Variants in MAN2A1 observed in about 807,000 individuals in gnomAD.
The protein encoded by MAN2A1 is mannosidase alpha class 2A member 1.
In MAN2A1, 76 loss-of-function variants were observed where a neutral mutation model predicts 142.6. That is an observed-to-expected ratio of 0.53 (90% confidence interval 0.44 to 0.65). MAN2A1 has a LOEUF of 0.65. MAN2A1 is among the 30% of genes least tolerant of loss of function. The probability of loss-of-function intolerance (pLI) is 0.00; values close to 1 mark genes in which losing one functional copy is unlikely to be tolerated. For synonymous variants in MAN2A1, 559 were observed against 473.2 expected (o/e 1.18, Z -2.35); for missense variants, 1,311 against 1,365.1 (o/e 0.96, Z 0.62).
rs1209291002 is a variant in MAN2A1, at chr5:109,690,564, G to A, written c.135+12G>A. 2 of 1,585,278 alleles carry A rather than the reference G, an allele frequency of 1.3e-6. No individual in the cohort carries two copies. Among genetic ancestry groups the A allele is most frequent in the Non-Finnish European group, 1.7e-6 (2 of 1,165,992 alleles). Reference sequence around the variant, plus strand: ...GCTCCTTCCCTCAGGTAAGCACCTGGGAAGGGGGCGCGGGGCTCCGAGGGG... The same window carrying A: ...GCTCCTTCCCTCAGGTAAGCACCTGAGAAGGGGGCGCGGGGCTCCGAGGGG... On this transcript the variant is annotated intron_variant, in intron 1 of 21. Transcript: ENST00000261483.
chr5:109,815,360 A>T (rs1035191560), intron 12 of MAN2A1, among the ~76,000 whole-genome samples: 1 of 152,196 alleles, frequency 6.6e-6, no homozygotes, highest in Non-Finnish European at 1.5e-5. Flanking sequence ...TGTGCGTAAA[A>T]TGGGATTTTA....
intron 13 of MAN2A1, 113 bp downstream of exon 13, chr5:109,817,551 G>T: frequency 9.9e-7 from 1 of 1,005,474 alleles, no homozygotes; most frequent in Non-Finnish European, 1.5e-6. Context: ...TATGTGAGGT[G>T]ATGAAAGTTG....
intron 12 of MAN2A1, among the ~76,000 whole-genome samples, chr5:109,814,225 A>G (rs182351957): frequency 2.3e-4 from 35 of 152,274 alleles, no homozygotes; most frequent in Middle Eastern, 3.4e-3. Context: ...TGTGGATCAA[A>G]TATTGTTAAT....
At chr5:109,752,446 C>A (rs577995136) in intron 4 of MAN2A1, among the ~76,000 whole-genome samples, 1 of 152,200 alleles carries the variant, frequency 6.6e-6, no homozygotes, top group Non-Finnish European at 1.5e-5. Context: ...GAGTGCCGGA[C>A]GTGCCAACGT....
intron 16 of MAN2A1, among the ~76,000 whole-genome samples, chr5:109,828,738 C>T (rs182371392): frequency 2.0e-5 from 3 of 152,230 alleles, no homozygotes; most frequent in Admixed American, 2.0e-4. Flanking sequence ...TGTTTTCCAC[C>T]AACATATTAT....
chr5:109,840,163 G>A (rs1755163959), intron 16 of MAN2A1: 1 of 196,402 alleles, frequency 5.1e-6, no homozygotes, highest in Non-Finnish European at 1.0e-5. Flanking sequence ...GCTGAATTAA[G>A]TCTCGTCTCA....
In MAN2A1 at chr5:109,732,157, C is replaced by T. The variant is rs545893740; in HGVS notation, c.707+2644C>T. ...ATGTGTTTTTTGGCTGCATAAATGT[C>T]TTCTTTTGAGAAGTGTCTGTTCATG... On this transcript the variant is annotated intron_variant, in intron 4 of 21. Transcript: ENST00000261483. 4.2e-4 allele frequency among the ~76,000 whole-genome samples: 64 copies of T among 150,632 alleles called. 1 individual carries two copies. Among genetic ancestry groups the T allele is most frequent in the Middle Eastern group, 6.8e-3 (2 of 292 alleles).
At chr5:109,690,718 A>T (rs1200716731) in intron 1 of MAN2A1, among the ~76,000 whole-genome samples, 166 bp downstream of exon 1, 2 of 151,986 alleles carry the variant, frequency 1.3e-5, no homozygotes, top group African/African-American at 4.8e-5. Context: ...CCTGGGAGCC[A>T]CCTCGCCCGG....
intron 1 of MAN2A1, among the ~76,000 whole-genome samples, chr5:109,712,267 G>A (rs1361347441): frequency 6.6e-6 from 1 of 151,896 alleles, no homozygotes; most frequent in Non-Finnish European, 1.5e-5. Flanking sequence ...CTTATATCTT[G>A]TGTGTTATAT....
At chr5:109,697,826 A>G (rs1750857212) in intron 1 of MAN2A1, among the ~76,000 whole-genome samples, 1 of 152,218 alleles carries the variant, frequency 6.6e-6, no homozygotes, top group Non-Finnish European at 1.5e-5. Flanking sequence ...AAGACAAACA[A>G]AATTCTCGTA....
intron 4 of MAN2A1, among the ~76,000 whole-genome samples, chr5:109,744,652 C>T (rs2112611014): frequency 6.6e-6 from 1 of 152,232 alleles, no homozygotes; most frequent in South Asian, 2.1e-4. Context: ...AACAGAAACT[C>T]ATATGTTGCG....
At chr5:109,777,350 C>A (rs1035655998) in intron 8 of MAN2A1, among the ~76,000 whole-genome samples, 2 of 151,790 alleles carry the variant, frequency 1.3e-5, no homozygotes, top group Non-Finnish European at 2.9e-5. Context: ...ATGTTTATTG[C>A]CATTTGAGTA....
At chr5:109,783,804 G>A (rs1340134957) in intron 9 of MAN2A1, among the ~76,000 whole-genome samples, 1 of 150,780 alleles carries the variant, frequency 6.6e-6, no homozygotes, top group African/African-American at 2.4e-5. Context: ...CATAAAAGGT[G>A]GAAATTATAG....
chr5:109,725,502 T>C (rs1751719863), intron 3 of MAN2A1, among the ~76,000 whole-genome samples: 3 of 152,188 alleles, frequency 2.0e-5, no homozygotes, highest in African/African-American at 7.2e-5. Context: ...CTTATAAGAA[T>C]CCCAGTAGGC....
intron 1 of MAN2A1, among the ~76,000 whole-genome samples, chr5:109,709,663 A>G (rs1236317688): frequency 1.3e-5 from 2 of 152,186 alleles, no homozygotes; most frequent in African/African-American, 4.8e-5. Flanking sequence ...ACCTTGTGGT[A>G]GACTCTAAAT....
At position 109,789,040 on chromosome 5, in the gene MAN2A1, C is replaced by T. The variant is rs1561512842; in HGVS notation, c.1867C>T (p.Leu623=). Residue 623 remains leucine (L), a synonymous_variant, in exon 11 of 22, where the codon CTG becomes TTG. Coordinates refer to ENST00000261483, the MANE Select transcript of MAN2A1 (RefSeq NM_002372.4). ...CGACTCTTACTCTCCTGATACCTTCCTGGAGATGGTTAGTAATTTCATCTA... is the reference window on the plus strand; with the variant it reads ...CGACTCTTACTCTCCTGATACCTTCTTGGAGATGGTTAGTAATTTCATCTA... ...TYDSYSPDTF[L]EMDLKQKSQD... is the part of the protein sequence containing the mutation. 1.3e-6 allele frequency: 2 copies of T among 1,532,478 alleles called. No individual in the cohort carries two copies. Among genetic ancestry groups the T allele is most frequent in the Non-Finnish European group, 1.8e-6 (2 of 1,114,916 alleles). 94.9% of individuals were successfully genotyped at this position (1,532,478 alleles called of 1,614,324 possible).
chr5:109,705,466 G>A (rs552516666), intron 1 of MAN2A1, among the ~76,000 whole-genome samples: 32 of 152,132 alleles, frequency 2.1e-4, no homozygotes, highest in Admixed American at 1.8e-3. Context: ...GAGGTTGCAC[G>A]GCCTCACCCT....
intron 20 of MAN2A1, 153 bp from the exon 21 acceptor site, chr5:109,864,883 A>C: frequency 1.6e-6 from 1 of 627,710 alleles, no homozygotes; most frequent in Non-Finnish European, 2.9e-6. Flanking sequence ...GTGAATGGGC[A>C]GTGAGCATGG....
chr5:109,807,698 G>A (rs1754204678), intron 12 of MAN2A1, among the ~76,000 whole-genome samples: 1 of 152,070 alleles, frequency 6.6e-6, no homozygotes, highest in African/African-American at 2.4e-5. Context: ...CATACCGTGA[G>A]CTGTAATTTA....
Sources: allele counts gnomAD v4.1 joint callset (sites outside exome capture counted in the v4.1 genomes callset), GRCh38; gene constraint gnomAD v4.1.1; transcripts MANE v1.5; gene names NCBI Gene and HGNC (gene_info 2026-07-23, HGNC 2026-07-21).